The following PLCL1 variants were observed in gnomAD, a reference collection of about 807,000 sequenced individuals.
PLCL1 encodes inactive phospholipase C-like protein 1.
A neutral mutation model predicts 84.4 loss-of-function variants in PLCL1; 41 were observed. The ratio of observed to expected loss-of-function variants is 0.49; its 90% CI spans 0.38 to 0.63. The LOEUF (loss-of-function observed/expected upper bound fraction) is 0.63. Among genes scored for constraint, PLCL1 ranks in the 30% least tolerant of loss-of-function variants. The pLI is 0.00. For synonymous variants in PLCL1, 490 were observed against 488.3 expected (o/e 1.00, Z -0.05); for missense variants, 1,206 against 1,367.8 (o/e 0.88, Z 1.87).
intron 1 of PLCL1, among the ~76,000 whole-genome samples, chr2:197,900,744 G>C (rs188604801): frequency 6.6e-5 from 10 of 152,262 alleles, no homozygotes; most frequent in Admixed American, 5.9e-4. Flanking sequence ...AAAGTGAAAG[G>C]GTTGTCATAA....
intron 1 of PLCL1, among the ~76,000 whole-genome samples, chr2:198,047,703 G>A (rs775416283): frequency 1.3e-5 from 2 of 152,180 alleles, no homozygotes; most frequent in Non-Finnish European, 2.9e-5. Context: ...GGCACTAGAA[G>A]CAATTATAAA....
chr2:198,051,615 C>T (rs1375007396), intron 1 of PLCL1, among the ~76,000 whole-genome samples: 2 of 152,146 alleles, frequency 1.3e-5, no homozygotes, highest in Non-Finnish European at 2.9e-5. Context: ...GAGTTATTTA[C>T]ATTTTTAGCA....
At chr2:198,067,936 A>G (rs1186703982) in intron 1 of PLCL1, among the ~76,000 whole-genome samples, 1 of 152,226 alleles carries the variant, frequency 6.6e-6, no homozygotes, top group East Asian at 1.9e-4. Context: ...AGATAAGACT[A>G]GCTGTCACTT....
chr2:197,846,278 G>A (rs1382778488), intron 1 of PLCL1, among the ~76,000 whole-genome samples: 1 of 152,014 alleles, frequency 6.6e-6, no homozygotes, highest in African/African-American at 2.4e-5. Flanking sequence ...GCTAATAAGA[G>A]AAAACAATCA....
In PLCL1 at chr2:198,084,087, T is replaced by C. The variant is rs1692789878; in HGVS notation, c.570T>C (p.Phe190=). Residue 190 remains phenylalanine (F), a synonymous_variant, in exon 2 of 6, where the codon TTT becomes TTC. Transcript: ENST00000428675. ...LADQICEDCA[F]SILHGENYES... ...ACCAGATCTGTGAGGACTGTGCCTT[T>C]TCCATACTCCACGGGGAAAACTATG... 2.5e-6 allele frequency: 4 copies of C among 1,614,180 alleles called. No individual in the cohort carries two copies. The highest frequency in any genetic ancestry group is 1.1e-5 in the South Asian group (1 of 91,090).
chr2:197,833,602 C>T (rs538141112), intron 1 of PLCL1, among the ~76,000 whole-genome samples: 1 of 152,226 alleles, frequency 6.6e-6, no homozygotes, highest in Non-Finnish European at 1.5e-5. Context: ...ATAAAATACA[C>T]AGGAATACAA....
intron 1 of PLCL1, among the ~76,000 whole-genome samples, chr2:198,049,731 A>G (rs761324066): frequency 3.9e-5 from 6 of 152,070 alleles, no homozygotes; most frequent in Non-Finnish European, 5.9e-5. Context: ...GAAACTTGGC[A>G]CCTCCAGCTT....
intron 1 of PLCL1, among the ~76,000 whole-genome samples, chr2:198,011,057 T>C (rs1055153000): frequency 6.6e-6 from 1 of 151,874 alleles, no homozygotes; most frequent in African/African-American, 2.4e-5. Flanking sequence ...TTTGTTGTTT[T>C]TTTGGGAAAA....
intron 1 of PLCL1, among the ~76,000 whole-genome samples, chr2:197,914,360 G>A (rs1336163402): frequency 2.1e-5 from 3 of 145,306 alleles, no homozygotes; most frequent in Non-Finnish European, 4.5e-5. Context: ...ATGGAGTTTT[G>A]TTCTTGTAGT....
intron 5 of PLCL1, among the ~76,000 whole-genome samples, chr2:198,120,204 A>G (rs536090682): frequency 7.2e-5 from 11 of 152,072 alleles, no homozygotes; most frequent in African/African-American, 2.7e-4. Flanking sequence ...GTGGGTACAT[A>G]GGTGTATATA....
chr2:197,997,082 C>T (rs1053795861), intron 1 of PLCL1, among the ~76,000 whole-genome samples: 3 of 152,168 alleles, frequency 2.0e-5, no homozygotes, highest in Non-Finnish European at 4.4e-5. Context: ...TTCCTGTGCT[C>T]ACGGAATCCT....
At chr2:198,090,490 A>G (rs1692998675) in intron 3 of PLCL1, among the ~76,000 whole-genome samples, 1 of 152,198 alleles carries the variant, frequency 6.6e-6, no homozygotes, top group Admixed American at 6.5e-5. Context: ...TTTTGTCATT[A>G]AAAAACAAGT....
rs149874566 is a variant in PLCL1 at position 198,061,639 on chromosome 2, G to A, written c.241-22119G>A. ...ATTTTGAGACAAGTCTCGCTCTGTCGCCCAGGCTGGAGTGCAATGGCACCA... is the reference window on the plus strand; with the variant it reads ...ATTTTGAGACAAGTCTCGCTCTGTCACCCAGGCTGGAGTGCAATGGCACCA... On this transcript the variant is annotated intron_variant, in intron 1 of 5. Coordinates refer to ENST00000428675, the MANE Select transcript of PLCL1 (RefSeq NM_006226.4). Among the ~76,000 whole-genome samples, 286 of 152,154 alleles carry A rather than the reference G, an allele frequency of 1.9e-3. 5 individuals carry two copies. Among genetic ancestry groups the A allele is most frequent in the East Asian group, 0.014 (70 of 5,182 alleles).
At chr2:197,843,925 G>C (rs902356411) in intron 1 of PLCL1, among the ~76,000 whole-genome samples, 2 of 152,044 alleles carry the variant, frequency 1.3e-5, no homozygotes, top group Non-Finnish European at 2.9e-5. Context: ...AGGCAGTGCG[G>C]CACCATATTT....
chr2:197,805,435 C>A lies in PLCL1; in HGVS notation c.240+96C>A. The stretch of plus-strand genomic sequence containing the variant: ...TGCGGTGTCCGGAGGCATCCGGGCT[C>A]AGCATTGTTTTCTCCCACCTCCTTC... On this transcript the variant is annotated intron_variant, in intron 1 of 5. Transcript: ENST00000428675. The surrounding 1 kb of genome is among the most constrained non-coding windows in gnomAD (Gnocchi z 4.0). 8.6e-7 allele frequency: 1 copy of A among 1,156,530 alleles called. No individual in the cohort carries two copies. The highest frequency in any genetic ancestry group is 1.1e-6 in the Non-Finnish European group (1 of 910,918). 71.6% of individuals were successfully genotyped at this position (1,156,530 alleles called of 1,614,324 possible). A position where few individuals can be genotyped will look rare whatever the true frequency, so the allele number is the denominator to read the frequency against.
chr2:197,870,206 A>G (rs1434918469), intron 1 of PLCL1, among the ~76,000 whole-genome samples: 2 of 152,142 alleles, frequency 1.3e-5, no homozygotes, highest in Non-Finnish European at 2.9e-5. Context: ...ATAAGAGTAA[A>G]TGCTAAGGGG....
intron 1 of PLCL1, among the ~76,000 whole-genome samples, chr2:198,031,817 T>C (rs567320319): frequency 1.7e-3 from 261 of 152,252 alleles, no homozygotes; most frequent in Non-Finnish European, 3.1e-3. Flanking sequence ...GTGCCACAAA[T>C]GACTTAATAT....
chr2:197,870,942 C>A lies in PLCL1; in HGVS notation c.240+65603C>A, dbSNP rs78726228. On this transcript the variant is annotated intron_variant, in intron 1 of 5. Coordinates refer to ENST00000428675, the MANE Select transcript of PLCL1 (RefSeq NM_006226.4). ...TCCAATTCACTATATCTGATACCAT[C>A]CGTGATTCAGATGCTCACCTCGGGA... Among the ~76,000 whole-genome samples, 1,019 of 152,140 alleles carry A rather than the reference C, an allele frequency of 6.7e-3. 12 individuals carry two copies. The highest frequency in any genetic ancestry group is 0.023 in the African/African-American group (971 of 41,506).
At chr2:197,961,060 T>C (rs1325222927) in intron 1 of PLCL1, among the ~76,000 whole-genome samples, 1 of 152,080 alleles carries the variant, frequency 6.6e-6, no homozygotes, top group African/African-American at 2.4e-5. Flanking sequence ...TCTCAATCAA[T>C]AATGGTTTAT....
Sources: gnomAD v4.1 joint callset for allele counts (sites outside exome capture counted in the v4.1 genomes callset) on GRCh38, gnomAD v4.1.1 for gene constraint, Gnocchi (gnomAD v3.1) non-coding constraint, MANE v1.5 for transcripts, NCBI Gene and HGNC (gene_info 2026-07-23, HGNC 2026-07-21) for gene names.